The following UGT1A10 variants were observed in gnomAD, a reference collection of about 807,000 sequenced individuals.
UGT1A10 encodes the protein UDP-glucuronosyltransferase 1A10.
UGT1A10 carries 49 observed loss-of-function variants against 45.8 expected under a neutral mutation model. That is an observed-to-expected ratio of 1.07 (90% CI 0.85 to 1.36). UGT1A10 has a LOEUF of 1.36. Ranked by LOEUF, UGT1A10 falls within the 40% of genes most tolerant of loss-of-function variation. The pLI is 0.00. For missense variants in UGT1A10, 745 were observed against 668.6 expected (o/e 1.11, Z -1.26); for synonymous variants, 284 against 249.7 (o/e 1.14, Z -1.29).
At chr2:233,759,284 T>G (rs1280598347) in intron 1 of UGT1A10, among the ~76,000 whole-genome samples, 1 of 152,192 alleles carries the variant, frequency 6.6e-6, no homozygotes, top group Non-Finnish European at 1.5e-5. Flanking sequence ...GATTGGTTGA[T>G]GAAGCTGAGC....
At chr2:233,710,322 C>T (rs2076126104) in intron 1 of UGT1A10, among the ~76,000 whole-genome samples, 1 of 152,166 alleles carries the variant, frequency 6.6e-6, no homozygotes, top group Non-Finnish European at 1.5e-5. Flanking sequence ...GTATGTATGA[C>T]TTCATAAGAA....
intron 1 of UGT1A10, chr2:233,692,999 T>C (rs745858663): frequency 6.2e-7 from 1 of 1,614,050 alleles, no homozygotes; most frequent in South Asian, 1.1e-5. Flanking sequence ...TTTAACTCTT[T>C]CCAGGATGGC....
chr2:233,692,928 A>G, intron 1 of UGT1A10: 11 of 1,581,564 alleles, frequency 7.0e-6, no homozygotes, highest in Non-Finnish European at 9.4e-6. Context: ...TGGTTAGTTT[A>G]GGGAAAATAC....
chr2:233,772,284 C>T lies in UGT1A10; in HGVS notation c.1318C>T (p.Leu440Phe), dbSNP rs1445186018. 3.1e-6 allele frequency: 5 copies of T among 1,614,128 alleles called. No homozygotes were observed. Among genetic ancestry groups the T allele is most frequent in the African/African-American group, 1.3e-5 (1 of 74,936 alleles). The change falls in exon 5 of 5, where the codon CTC becomes TTC. Residue 440 changes from leucine to phenylalanine, a missense_variant. Physicochemically the swap from Leu to Phe is conservative, Grantham distance 22. Transcript: ENST00000344644. ...TAGTTACAAGGAGAACATCATGCGC[C>T]TCTCCAGCCTTCACAAGGACCGCCC... Reference protein sequence around the residue: ...DKSYKENIMRLSSLHKDRPVE... With the variant: ...DKSYKENIMRFSSLHKDRPVE...
rs1315279815 is a variant in UGT1A10 at position 233,769,066 on chromosome 2, A to T, written c.1295+627A>T. Reference sequence around the variant, plus strand: ...ATCCATAAGTTTCCTGCACAGAAAGAAATACTCCATTATAAGAAGCATAGT... The same window carrying T: ...ATCCATAAGTTTCCTGCACAGAAAGTAATACTCCATTATAAGAAGCATAGT... On this transcript the variant is annotated intron_variant, in intron 4 of 4. Transcript: ENST00000344644. The surrounding 1 kb of genome is among the most constrained non-coding windows in gnomAD (Gnocchi z 4.4). 6.6e-6 allele frequency among the ~76,000 whole-genome samples: 1 copy of T among 152,220 alleles called. No homozygotes were observed. Among genetic ancestry groups the T allele is most frequent in the African/African-American group, 2.4e-5 (1 of 41,470 alleles).
chr2:233,645,324 A>G (rs1027683021), intron 1 of UGT1A10, among the ~76,000 whole-genome samples: 2 of 152,192 alleles, frequency 1.3e-5, no homozygotes, highest in Non-Finnish European at 2.9e-5. Context: ...AGGTGGGGAC[A>G]CAGCCAAACC....
intron 1 of UGT1A10, among the ~76,000 whole-genome samples, chr2:233,665,903 C>T (rs973283387): frequency 1.1e-4 from 17 of 152,202 alleles, no homozygotes; most frequent in African/African-American, 3.4e-4. Flanking sequence ...CTCCCACCAC[C>T]TGCATATGAG....
chr2:233,761,076 T>A, intron 1 of UGT1A10: 4 of 1,614,164 alleles, frequency 2.5e-6, no homozygotes, highest in Non-Finnish European at 3.4e-6. Flanking sequence ...TTGTGAAGGA[T>A]TACCCTAGGC....
Position 233,747,479 on chromosome 2 carries a change from T to A in UGT1A10, c.856-19555T>A, listed in dbSNP as rs897770159. 3 of 1,608,758 alleles carry A rather than the reference T, an allele frequency of 1.9e-6. No individual in the cohort carries two copies. The African/African-American group carries it at 4.0e-5, about 22-fold the overall frequency. ...CCATTTCATGGACCCAGGATGAATT[T>A]GATCGCCTTGTGCTGGGCCACACTC... On this transcript the variant is annotated intron_variant, in intron 1 of 4. Coordinates refer to ENST00000344644, the MANE Select transcript of UGT1A10 (RefSeq NM_019075.4).
intron 1 of UGT1A10, among the ~76,000 whole-genome samples, chr2:233,710,083 T>C (rs1270176651): frequency 6.6e-6 from 1 of 152,240 alleles, no homozygotes; most frequent in Non-Finnish European, 1.5e-5. Flanking sequence ...TCCTTTCACA[T>C]TGTTGCATGT....
chr2:233,696,103 A>G (rs2075324442), intron 1 of UGT1A10, among the ~76,000 whole-genome samples: 1 of 152,246 alleles, frequency 6.6e-6, no homozygotes, highest in South Asian at 2.1e-4. Flanking sequence ...AAAACAAAAC[A>G]AAACAAAAAG....
chr2:233,755,210 C>A, intron 1 of UGT1A10: 1 of 1,056,306 alleles, frequency 9.5e-7, no homozygotes, highest in Non-Finnish European at 1.4e-6. Flanking sequence ...GGTACGCCTT[C>A]TTGATACCCT....
chr2:233,738,058 G>A (rs1690676256), intron 1 of UGT1A10, among the ~76,000 whole-genome samples: 1 of 152,076 alleles, frequency 6.6e-6, no homozygotes, highest in Non-Finnish European at 1.5e-5. Flanking sequence ...AGGACATGGT[G>A]GGAGGTCCCC....
At chr2:233,743,092 C>A (rs1287220574) in intron 1 of UGT1A10, 2 of 346,770 alleles carry the variant, frequency 5.8e-6, no homozygotes, top group African/African-American at 2.2e-5. Flanking sequence ...TTTATAAATT[C>A]TTGGGTACAG....
At chr2:233,701,716 A>G (rs1379705322) in intron 1 of UGT1A10, among the ~76,000 whole-genome samples, 3 of 152,238 alleles carry the variant, frequency 2.0e-5, no homozygotes, top group Admixed American at 2.0e-4. Context: ...AACTACATGG[A>G]AACTGAACAA....
intron 1 of UGT1A10, among the ~76,000 whole-genome samples, chr2:233,715,150 T>A (rs1370902916): frequency 6.6e-6 from 1 of 152,132 alleles, no homozygotes; most frequent in Non-Finnish European, 1.5e-5. Flanking sequence ...CCTGCCAAAG[T>A]GCTGGAATTA....
intron 1 of UGT1A10, among the ~76,000 whole-genome samples, chr2:233,766,257 A>G (rs1699081687): frequency 1.3e-5 from 2 of 151,512 alleles, no homozygotes; most frequent in African/African-American, 2.4e-5. Context: ...CAGACCGCTC[A>G]GTGGCCCGGG....
intron 1 of UGT1A10, chr2:233,719,187 G>A (rs747678615): frequency 1.3e-5 from 21 of 1,614,050 alleles, no homozygotes; most frequent in Admixed American, 1.0e-4. Flanking sequence ...TGTATCTTTG[G>A]CCCTTCATAG....
intron 1 of UGT1A10, among the ~76,000 whole-genome samples, chr2:233,673,226 A>T (rs540855979): frequency 6.6e-6 from 1 of 152,276 alleles, no homozygotes; most frequent in South Asian, 2.1e-4. Context: ...AAAATCTAGT[A>T]TTGGGCTGGA....
Sources: allele counts gnomAD v4.1 joint callset (sites outside exome capture counted in the v4.1 genomes callset), GRCh38; gene constraint gnomAD v4.1.1; non-coding constraint Gnocchi (gnomAD v3.1); transcripts MANE v1.5; gene names NCBI Gene and HGNC (gene_info 2026-07-23, HGNC 2026-07-21).